Variants in DUSP15 observed in about 807,000 individuals in gnomAD.
DUSP15 encodes the protein dual specificity protein phosphatase 15.
In DUSP15, 23 loss-of-function variants were observed where a neutral mutation model predicts 26.3. The ratio of observed to expected loss-of-function variants is 0.87; its 90% CI spans 0.63 to 1.24. The LOEUF is 1.24. Among genes scored for constraint, DUSP15 ranks in the 50% most tolerant of loss-of-function variants. DUSP15 has a pLI of 0.00. For missense variants in DUSP15, 364 were observed against 320.6 expected (o/e 1.14, Z -1.03); for synonymous variants, 143 against 135.5 (o/e 1.06, Z -0.39).
At chr20:31,850,665 A>G in exon 7 of DUSP15, 1 of 1,611,690 alleles carries the variant, frequency 6.2e-7, no homozygotes, top group Non-Finnish European at 8.5e-7. Flanking sequence ...TTGAGGTCCT[A>G]TGTCTGGCAC....
At position 31,870,515 on chromosome 20, in the gene DUSP15, C is replaced by T. The variant is rs1051759321; in HGVS notation, c.-178G>A. On this transcript the variant is annotated 5_prime_UTR_variant, in exon 1 of 7. Transcript: ENST00000339738. The surrounding 1 kb of genome is among the most constrained non-coding windows in gnomAD (Gnocchi z 6.6). ...CCGCCACCGCCCGCCGACCCCCGGCCCGGGAGGGAAATGGTGGTGGAGCCG... is the reference window on the plus strand; with the variant it reads ...CCGCCACCGCCCGCCGACCCCCGGCTCGGGAGGGAAATGGTGGTGGAGCCG... 77 of 1,425,590 alleles carry T rather than the reference C, an allele frequency of 5.4e-5. No individual in the cohort carries two copies. Among genetic ancestry groups the T allele is most frequent in the Middle Eastern group, 2.1e-4 (1 of 4,680 alleles). The allele number at this position is 1,425,590 out of a possible 1,614,324, so 88.3% of individuals were successfully genotyped here. A position where few individuals can be genotyped will look rare whatever the true frequency, so the allele number is the denominator to read the frequency against.
At chr20:31,846,152 ACACACAGACATAAG>A (rs1398722228), downstream of DUSP15, among the ~76,000 whole-genome samples, 2 of 134,540 alleles carry the variant, frequency 1.5e-5, no homozygotes, top group East Asian at 3.9e-4. Flanking sequence ...ACAGACACAC[ACACACAGACATAAG>A]CACACACACA....
intron 4 of DUSP15, among the ~76,000 whole-genome samples, chr20:31,864,665 G>A (rs987714432): frequency 5.9e-5 from 9 of 152,236 alleles, no homozygotes; most frequent in Non-Finnish European, 1.3e-4. Context: ...CCAGGAACAG[G>A]CTGAATATGA....
chr20:31,846,145 G>GAC (rs1377579163), downstream of DUSP15, among the ~76,000 whole-genome samples: 7 of 129,856 alleles, frequency 5.4e-5, no homozygotes, highest in Non-Finnish European at 9.3e-5. Flanking sequence ...CACACACACA[G>GAC]ACACACACAC....
Position 31,870,116 on chromosome 20 carries a change from C to T in DUSP15, c.21+201G>A. On this transcript the variant is annotated intron_variant, in intron 1 of 6. Coordinates refer to ENST00000339738, the MANE Select transcript of DUSP15 (RefSeq NM_080611.5). The surrounding 1 kb of genome is among the most constrained non-coding windows in gnomAD (Gnocchi z 6.6). ...GACACACAGAGTCACGGAGAGAGGG[C>T]GGACACAGCGGGGACAGAGACGCAG... The T allele has an allele frequency of 1.6e-6, 2 of 1,239,784 alleles. No homozygotes were observed. The highest frequency in any genetic ancestry group is 1.0e-6 in the Non-Finnish European group (1 of 991,406). The allele number at this position is 1,239,784 out of a possible 1,614,324, so 76.8% of individuals were successfully genotyped here. A position where few individuals can be genotyped will look rare whatever the true frequency, so the allele number is the denominator to read the frequency against.
chr20:31,863,969 G>C lies in DUSP15; in HGVS notation c.201C>G (p.Phe67Leu), dbSNP rs1460842294. 2 of 1,613,796 alleles carry C rather than the reference G, an allele frequency of 1.2e-6. No individual in the cohort carries two copies. Among genetic ancestry groups the C allele is most frequent in the African/African-American group, 2.7e-5 (2 of 74,872 alleles). The change falls in exon 5 of 7, where the codon TTC becomes TTG. Residue 67 changes from phenylalanine to leucine, a missense_variant. Transcript: ENST00000339738. ...AGTGGATGAAGTTGATACATTCTTT[G>C]AAGTGCTTTTTGCTAGAGGAGAAAG... ...DTPEVPIKKH[F>L]KECINFIHCC...
At chr20:31,867,623 C>T (rs961701961) in intron 2 of DUSP15, among the ~76,000 whole-genome samples, 2 of 143,204 alleles carry the variant, frequency 1.4e-5, no homozygotes, top group Admixed American at 1.4e-4. Flanking sequence ...TGCAATGATG[C>T]CCACAATGTT....
exon 10 of DUSP15, chr20:31,847,691 G>A (rs1032504807): frequency 1.3e-5 from 2 of 152,204 alleles, no homozygotes; most frequent in Non-Finnish European, 2.9e-5. Flanking sequence ...CTTTCTGGTT[G>A]TAGTCCCCCT....
At chr20:31,858,781 C>G (rs1370680380), downstream of DUSP15, among the ~76,000 whole-genome samples, 1 of 152,220 alleles carries the variant, frequency 6.6e-6, no homozygotes, top group African/African-American at 2.4e-5. The surrounding 1 kb of genome is among the most constrained non-coding windows in gnomAD (Gnocchi z 4.4). Context: ...GATTCTCAAA[C>G]TAACTCCTGC....
At chr20:31,852,816 G>GA (rs1233338104) in intron 6 of DUSP15, among the ~76,000 whole-genome samples, 5 of 151,922 alleles carry the variant, frequency 3.3e-5, no homozygotes, top group East Asian at 1.9e-4. Flanking sequence ...CGTCTCAAAA[G>GA]AAAAAAAAGA....
intron 6 of DUSP15, among the ~76,000 whole-genome samples, chr20:31,854,559 C>T (rs1422266778): frequency 6.6e-6 from 1 of 152,138 alleles, no homozygotes; most frequent in African/African-American, 2.4e-5. Context: ...CTAGAATGGT[C>T]CCTGGCACAC....
intron 2 of DUSP15, among the ~76,000 whole-genome samples, chr20:31,868,251 T>TG (rs1316169102): frequency 6.6e-6 from 1 of 152,008 alleles, no homozygotes; most frequent in Admixed American, 6.6e-5. Context: ...TTACAGAGGG[T>TG]TCAGACCTTA....
chr20:31,853,585 AGT>A, intron 6 of DUSP15, among the ~76,000 whole-genome samples: 1 of 151,764 alleles, frequency 6.6e-6, no homozygotes, highest in Admixed American at 6.5e-5. Context: ...TACTTGGGAG[AGT>A]GAGGCAGGAG....
In DUSP15 at chr20:31,863,896, G is replaced by A. The variant is rs750249418; in HGVS notation, c.263+11C>T. On this transcript the variant is annotated intron_variant, in intron 5 of 6. Transcript: ENST00000339738. ...TTCCTCCCCCACCTTATCCCCCTCC[G>A]CTTAACTCACCAGTGCACAAGGCAG... 18 of 1,607,962 alleles carry A rather than the reference G, an allele frequency of 1.1e-5. No individual in the cohort carries two copies. The highest frequency in any genetic ancestry group is 2.2e-5 in the South Asian group (2 of 90,448).
exon 10 of DUSP15, chr20:31,848,560 C>T: frequency 1.9e-6 from 3 of 1,572,012 alleles, no homozygotes; most frequent in Non-Finnish European, 2.6e-6. Flanking sequence ...GAAGCTGCAC[C>T]TGCACCTGCG....
At chr20:31,867,714 G>A (rs539123694) in intron 2 of DUSP15, among the ~76,000 whole-genome samples, 22 of 128,038 alleles carry the variant, frequency 1.7e-4, no homozygotes, top group South Asian at 5.2e-4. Flanking sequence ...GCGCGATCTC[G>A]GCTGACCACA....
chr20:31,849,834 C>G, exon 8 of DUSP15: 1 of 1,529,030 alleles, frequency 6.5e-7, no homozygotes, highest in East Asian at 2.4e-5. Flanking sequence ...GCTTCGCGCA[C>G]CAGCGCTGCG....
downstream of DUSP15, among the ~76,000 whole-genome samples, chr20:31,860,209 G>A (rs964020612): frequency 6.6e-6 from 1 of 152,206 alleles, no homozygotes; most frequent in Non-Finnish European, 1.5e-5. Flanking sequence ...GTAGGAAGTT[G>A]GGGTGGCAGC....
intron 6 of DUSP15, among the ~76,000 whole-genome samples, chr20:31,855,750 C>A (rs946074745): frequency 2.6e-5 from 4 of 152,214 alleles, no homozygotes; most frequent in Non-Finnish European, 5.9e-5. Flanking sequence ...TGCTTGATGA[C>A]ACCACCCTCA....
Sources: allele counts gnomAD v4.1 joint callset (sites outside exome capture counted in the v4.1 genomes callset), GRCh38; gene constraint gnomAD v4.1.1; non-coding constraint Gnocchi (gnomAD v3.1); transcripts MANE v1.5; gene names NCBI Gene and HGNC (gene_info 2026-07-23, HGNC 2026-07-21).